The following PTPRD variants were observed in gnomAD, a reference collection of about 807,000 sequenced individuals.
PTPRD encodes the protein protein tyrosine phosphatase receptor type D, also known as receptor-type tyrosine-protein phosphatase delta.
PTPRD carries 34 observed loss-of-function variants against 214.5 expected under a neutral mutation model. The ratio of observed to expected loss-of-function variants is 0.16; its 90% CI spans 0.12 to 0.21. PTPRD has a LOEUF of 0.21. PTPRD is among the 10% of genes least tolerant of loss of function. PTPRD has a pLI of 1.00. For missense variants in PTPRD, 2,545 were observed against 2,398.7 expected (o/e 1.06, Z -1.27); for synonymous variants, 1,128 against 845.7 (o/e 1.33, Z -5.79).
chr9:10,585,510 A>G lies in PTPRD; in HGVS notation c.-600+26888T>C, dbSNP rs1591489705. Among the ~76,000 whole-genome samples, 3 of 152,232 alleles carry G rather than the reference A, an allele frequency of 2.0e-5. No homozygotes were observed. In the South Asian group the frequency reaches 6.2e-4, roughly 32 times the overall value. On this transcript the variant is annotated intron_variant, in intron 2 of 45. Coordinates refer to ENST00000381196, the MANE Select transcript of PTPRD (RefSeq NM_002839.4). ...TTTAGAAAATGAATATTTCAAACCC[A>G]AAGAATTTCAGGGCTGAAAATTTGG...
At chr9:9,627,136 A>T (rs2095446972) in intron 7 of PTPRD, among the ~76,000 whole-genome samples, 1 of 152,168 alleles carries the variant, frequency 6.6e-6, no homozygotes, top group African/African-American at 2.4e-5. Flanking sequence ...CAACATGGTG[A>T]AACCCCATCT....
chr9:8,626,531 A>G (rs986575388), intron 14 of PTPRD, among the ~76,000 whole-genome samples: 1 of 151,830 alleles, frequency 6.6e-6, no homozygotes, highest in African/African-American at 2.4e-5. Flanking sequence ...ATTTGGTCAA[A>G]TGTTATCTTG....
At chr9:8,673,387 G>C (rs1386133611) in intron 12 of PTPRD, among the ~76,000 whole-genome samples, 1 of 152,122 alleles carries the variant, frequency 6.6e-6, no homozygotes, top group East Asian at 1.9e-4. Flanking sequence ...GGTGGTGACT[G>C]AGTCTATATT....
intron 3 of PTPRD, among the ~76,000 whole-genome samples, chr9:10,147,755 C>T (rs2099033479): frequency 6.6e-6 from 1 of 152,130 alleles, no homozygotes; most frequent in Admixed American, 6.6e-5. Flanking sequence ...CGGCAGGCTC[C>T]TGTAATCCCA....
chr9:10,245,576 A>T (rs1352218721), intron 3 of PTPRD, among the ~76,000 whole-genome samples: 1 of 152,212 alleles, frequency 6.6e-6, no homozygotes, highest in Non-Finnish European at 1.5e-5. Flanking sequence ...GACAATGCAC[A>T]CTTTGAAAGA....
At chr9:8,676,413 T>C (rs957102551) in intron 12 of PTPRD, among the ~76,000 whole-genome samples, 4 of 150,480 alleles carry the variant, frequency 2.7e-5, no homozygotes, top group African/African-American at 9.8e-5. Context: ...GATGGAGTTT[T>C]GCTGTGTTGT....
intron 7 of PTPRD, among the ~76,000 whole-genome samples, chr9:9,717,681 C>T (rs1380390204): frequency 6.6e-6 from 1 of 152,136 alleles, no homozygotes; most frequent in East Asian, 1.9e-4. Flanking sequence ...ATGAACTTAG[C>T]TCCACAAGTC....
At chr9:10,586,770 C>G (rs1011869155) in intron 2 of PTPRD, among the ~76,000 whole-genome samples, 1 of 136,494 alleles carries the variant, frequency 7.3e-6, no homozygotes, top group Non-Finnish European at 1.6e-5. Context: ...CACATACATG[C>G]TCACTTATAG....
intron 7 of PTPRD, among the ~76,000 whole-genome samples, chr9:9,681,904 TC>T (rs1340105890): frequency 6.6e-6 from 1 of 151,668 alleles, no homozygotes; most frequent in Non-Finnish European, 1.5e-5. Flanking sequence ...TGCAGGAAAA[TC>T]ATTTACATTT....
chr9:8,602,227 A>G (rs1169846449), intron 14 of PTPRD, among the ~76,000 whole-genome samples: 1 of 152,184 alleles, frequency 6.6e-6, no homozygotes, highest in Admixed American at 6.5e-5. Flanking sequence ...TAAATAGAAA[A>G]CTGTGAACAT....
At position 8,721,915 on chromosome 9, in the gene PTPRD, C is replaced by G. The variant is rs565700242; in HGVS notation, c.64+11865G>C. Among the ~76,000 whole-genome samples the G allele has an allele frequency of 6.6e-5, 10 of 152,342 alleles. No individual in the cohort carries two copies. The South Asian group carries it at 2.1e-3, about 32-fold the overall frequency. On this transcript the variant is annotated intron_variant, in intron 12 of 45. Transcript: ENST00000381196. ...CTCTCCTAACCTCTGCTCCAACCTTCTGTTCCAAAGCTTTCACAAGCAACA... is the reference window on the plus strand; with the variant it reads ...CTCTCCTAACCTCTGCTCCAACCTTGTGTTCCAAAGCTTTCACAAGCAACA...
intron 9 of PTPRD, among the ~76,000 whole-genome samples, chr9:9,348,222 T>C (rs551812872): frequency 1.1e-4 from 16 of 152,132 alleles, no homozygotes; most frequent in Non-Finnish European, 1.6e-4. Context: ...AATTAGGTAT[T>C]CTGTTGCTCT....
At chr9:10,393,777 T>A (rs2098117621) in intron 2 of PTPRD, among the ~76,000 whole-genome samples, 1 of 148,148 alleles carries the variant, frequency 6.8e-6, no homozygotes, top group African/African-American at 2.5e-5. Flanking sequence ...AATCAAGTGA[T>A]CCCAAATGAC....
At chr9:9,830,992 C>G (rs1338543437) in intron 5 of PTPRD, among the ~76,000 whole-genome samples, 1 of 151,756 alleles carries the variant, frequency 6.6e-6, no homozygotes, top group Non-Finnish European at 1.5e-5. Context: ...GGATTGGAGA[C>G]AGGGAATTTT....
chr9:8,952,694 A>C (rs2154306813), intron 11 of PTPRD, among the ~76,000 whole-genome samples: 1 of 152,024 alleles, frequency 6.6e-6, no homozygotes, highest in East Asian at 1.9e-4. Flanking sequence ...AAGAAAAAAT[A>C]TTATTTATTT....
At chr9:9,647,173 T>C (rs1200788340) in intron 7 of PTPRD, among the ~76,000 whole-genome samples, 3 of 151,880 alleles carry the variant, frequency 2.0e-5, no homozygotes, top group Admixed American at 6.6e-5. Context: ...TATTGCATCT[T>C]TCCCCCCCCT....
intron 9 of PTPRD, among the ~76,000 whole-genome samples, chr9:9,339,303 C>T (rs146212749): frequency 0.018 from 2,720 of 150,478 alleles, 91 homozygotes; most frequent in African/African-American, 0.063. Context: ...TGGTGAAACC[C>T]CATCTCTACT....
chr9:10,312,286 C>T (rs893868877), intron 3 of PTPRD, among the ~76,000 whole-genome samples: 1 of 151,988 alleles, frequency 6.6e-6, no homozygotes, highest in Non-Finnish European at 1.5e-5. Flanking sequence ...CACTCTTCCT[C>T]ATCCATTTGA....
chr9:9,289,907 G>A (rs186939696), intron 9 of PTPRD, among the ~76,000 whole-genome samples: 1 of 151,614 alleles, frequency 6.6e-6, no homozygotes, highest in Admixed American at 6.6e-5. Context: ...GAATAATGCT[G>A]CAAAAAAACA....
Sources: allele counts gnomAD v4.1 joint callset (sites outside exome capture counted in the v4.1 genomes callset), GRCh38; gene constraint gnomAD v4.1.1; transcripts MANE v1.5; gene names NCBI Gene and HGNC (gene_info 2026-07-23, HGNC 2026-07-21).